Variants in SMG6 observed in about 807,000 individuals in gnomAD.
The protein encoded by SMG6 is SMG6 nonsense mediated mRNA decay factor.
Under a neutral mutation model 142.2 loss-of-function variants are expected in SMG6, and 66 were observed. That is an observed-to-expected ratio of 0.46 (90% CI 0.38 to 0.57). The LOEUF (loss-of-function observed/expected upper bound fraction) is 0.57, where lower values mean the gene tolerates loss of function less well. Among genes scored for constraint, SMG6 ranks in the 20% least tolerant of loss-of-function variants. The pLI is 0.00. For missense variants in SMG6, 1,793 were observed against 1,832.0 expected, an observed-to-expected ratio of 0.98 and a Z score of 0.39; for synonymous variants, 779 against 702.4, an observed-to-expected ratio of 1.11 and a Z score of -1.72.
intron 13 of SMG6, among the ~76,000 whole-genome samples, chr17:2,111,702 C>T (rs950393389): frequency 2.6e-5 from 4 of 152,272 alleles, no homozygotes; most frequent in East Asian, 1.9e-4. Context: ...CTGTGCCTGG[C>T]CCGAAAGGTC....
chr17:2,186,382 T>C (rs1278462062), intron 12 of SMG6, among the ~76,000 whole-genome samples: 1 of 150,496 alleles, frequency 6.6e-6, no homozygotes, highest in Non-Finnish European at 1.5e-5. Flanking sequence ...ATGCACAATA[T>C]GGAGTGAGGA....
intron 13 of SMG6, among the ~76,000 whole-genome samples, chr17:2,096,488 C>A (rs761420424): frequency 5.7e-4 from 86 of 152,068 alleles, no homozygotes; most frequent in Non-Finnish European, 8.2e-4. Flanking sequence ...GGATTACAGG[C>A]GTGAGCCACT....
chr17:2,273,693 A>C (rs1384355594), intron 8 of SMG6, among the ~76,000 whole-genome samples: 2 of 152,134 alleles, frequency 1.3e-5, no homozygotes, highest in Non-Finnish European at 1.5e-5. Context: ...GCCACTCAGG[A>C]GGCTAAGGCA....
At chr17:2,199,037 T>C (rs1297615147) in intron 10 of SMG6, among the ~76,000 whole-genome samples, 11 of 148,628 alleles carry the variant, frequency 7.4e-5, no homozygotes, top group African/African-American at 2.5e-5. Context: ...GAGAACGTCA[T>C]CGTCAAGGCC....
rs1034335627 is a variant in SMG6, at chr17:2,196,224, C to G, written c.2870-7709G>C. On this transcript the variant is annotated intron_variant, in intron 10 of 18. Transcript: ENST00000263073. ...ATCACCTGAGATCAGGAGTTCGAGA[C>G]CAGCCTGGCCAACATGGTGAAACCC... is the stretch of plus-strand genomic sequence containing the variant. 2.6e-5 allele frequency among the ~76,000 whole-genome samples: 4 copies of G among 152,252 alleles called. 1 individual carries two copies. Among genetic ancestry groups the G allele is most frequent in the East Asian group, 3.9e-4 (2 of 5,184 alleles).
chr17:2,178,565 C>A (rs987338452), intron 12 of SMG6, among the ~76,000 whole-genome samples: 10 of 152,354 alleles, frequency 6.6e-5, no homozygotes, highest in African/African-American at 2.4e-4. Flanking sequence ...ATGTTCTAAG[C>A]AGGGCAGCTG....
intron 10 of SMG6, among the ~76,000 whole-genome samples, chr17:2,199,290 T>G (rs1324173418): frequency 6.6e-6 from 1 of 152,222 alleles, no homozygotes; most frequent in African/African-American, 2.4e-5. Flanking sequence ...AGGAAACTAC[T>G]TAGGCATTTT....
intron 13 of SMG6, among the ~76,000 whole-genome samples, chr17:2,098,328 A>G (rs746875679): frequency 6.6e-6 from 1 of 152,154 alleles, no homozygotes; most frequent in Admixed American, 6.6e-5. Flanking sequence ...TTGTTTTCAC[A>G]TATGTTGCTA....
At chr17:2,276,971 G>C (rs1390222131) in intron 8 of SMG6, among the ~76,000 whole-genome samples, 1 of 151,264 alleles carries the variant, frequency 6.6e-6, no homozygotes, top group Non-Finnish European at 1.5e-5. Flanking sequence ...AGTAGAGATG[G>C]GGTTTCTCCA....
chr17:2,257,776 T>TG (rs1452900685), intron 8 of SMG6, among the ~76,000 whole-genome samples: 2 of 151,844 alleles, frequency 1.3e-5, no homozygotes, highest in Admixed American at 6.6e-5. Flanking sequence ...CCCAGCACTT[T>TG]GGGGGGCTGG....
intron 13 of SMG6, chr17:2,127,922 G>T (rs1416630510): frequency 1.8e-6 from 1 of 566,112 alleles, no homozygotes; most frequent in South Asian, 1.4e-5. Context: ...TCCAGTACCT[G>T]GACCAATGCA....
At chr17:2,127,525 G>A in intron 13 of SMG6, 1 of 642,686 alleles carries the variant, frequency 1.6e-6, no homozygotes, top group Non-Finnish European at 3.0e-6. Context: ...CTCAAGCATG[G>A]TTTTGGGGCC....
chr17:2,091,299 A>G (rs969091983), intron 13 of SMG6, among the ~76,000 whole-genome samples: 2 of 152,230 alleles, frequency 1.3e-5, no homozygotes, highest in African/African-American at 4.8e-5. Flanking sequence ...TCCTGGCAGG[A>G]AGCAGACTCC....
intron 11 of SMG6, 91 bp from the exon 12 acceptor site, chr17:2,186,922 A>G: frequency 7.4e-7 from 1 of 1,355,842 alleles, no homozygotes; most frequent in Non-Finnish European, 1.0e-6. Context: ...GCTCTTAGGG[A>G]AGGGAGACCA....
intron 10 of SMG6, 117 bp downstream of exon 10, chr17:2,236,375 G>T: frequency 4.3e-6 from 4 of 933,052 alleles, no homozygotes; most frequent in Non-Finnish European, 4.9e-6. Context: ...GGTAGGGTGT[G>T]TGTGTTCGGG....
intron 9 of SMG6, among the ~76,000 whole-genome samples, chr17:2,242,587 C>T (rs1023496106): frequency 2.8e-5 from 4 of 145,154 alleles, no homozygotes; most frequent in Admixed American, 1.4e-4. Context: ...CCCAGTGACA[C>T]GGGAGGCTGA....
At chr17:2,069,265 G>C (rs1038866627) in intron 15 of SMG6, among the ~76,000 whole-genome samples, 1 of 152,146 alleles carries the variant, frequency 6.6e-6, no homozygotes, top group Non-Finnish European at 1.5e-5. Context: ...AGATATGAAA[G>C]TGGTTTCACA....
chr17:2,188,407 G>T lies in SMG6; in HGVS notation c.2978C>A (p.Ser993Tyr), dbSNP rs1231133531. 1 of 1,613,942 alleles carries T rather than the reference G, an allele frequency of 6.2e-7. No homozygotes were observed. The highest frequency in any genetic ancestry group is 1.7e-5 in the Admixed American group (1 of 60,014). Reference protein sequence around the residue: ...VRRCTCLLKESAKAQLSSPED... With the variant: ...VRRCTCLLKEYAKAQLSSPED... Reference sequence around the variant, plus strand: ...GGACTCCTCCTGCTTACCTTTGGCGGACTCCTTAAGTAAGCAGGTGCAGCG... The same window carrying T: ...GGACTCCTCCTGCTTACCTTTGGCGTACTCCTTAAGTAAGCAGGTGCAGCG... The change falls in exon 11 of 19, where the codon TCC becomes TAC. Residue 993 changes from serine (S) to tyrosine (Y), a missense_variant. Physicochemically the swap from Ser to Tyr is moderately radical, Grantham distance 144. Coordinates refer to ENST00000263073, the MANE Select transcript of SMG6 (RefSeq NM_017575.5).
intron 13 of SMG6, among the ~76,000 whole-genome samples, chr17:2,146,563 G>A (rs1282187949): frequency 1.3e-5 from 2 of 151,824 alleles, no homozygotes; most frequent in Non-Finnish European, 2.9e-5. Context: ...TTCTTTTTTT[G>A]AGACTAAGAC....
Sources: allele counts gnomAD v4.1 joint callset (sites outside exome capture counted in the v4.1 genomes callset), GRCh38; gene constraint gnomAD v4.1.1; transcripts MANE v1.5; gene names NCBI Gene and HGNC (gene_info 2026-07-23, HGNC 2026-07-21).